CUL1: variants seen among roughly 807,000 people sequenced by gnomAD.
CUL1 encodes the protein cullin-1.
A neutral mutation model predicts 118.0 loss-of-function variants in CUL1; 24 were observed. The ratio of observed to expected loss-of-function variants is 0.20; its 90% CI spans 0.15 to 0.29. CUL1 has a LOEUF of 0.29. Ranked by LOEUF, CUL1 falls within the 10% of genes least tolerant of loss-of-function variation. The pLI, the probability that CUL1 is intolerant of heterozygous loss-of-function variation, is 1.00. For synonymous variants in CUL1, 332 were observed against 340.4 expected, an observed-to-expected ratio of 0.98 and a Z score of 0.27; for missense variants, 361 against 933.8, an observed-to-expected ratio of 0.39 and a Z score of 7.99.
intron 2 of CUL1, among the ~76,000 whole-genome samples, chr7:148,740,253 C>T (rs1056376421): frequency 5.3e-5 from 8 of 152,194 alleles, no homozygotes; most frequent in Admixed American, 2.6e-4. Context: ...CAGGATTTCA[C>T]CATGTTGGCC....
chr7:148,754,113 A>C lies in CUL1; in HGVS notation c.278A>C (p.Lys93Thr). The change falls in exon 3 of 22, where the codon AAG becomes ACG. Residue 93 changes from lysine (K) to threonine (T), a missense_variant. By Grantham distance (78) the Lys-to-Thr change is moderately conservative. Transcript: ENST00000325222. ...FVGLELYKRL[K>T]EFLKNYLTNL... The stretch of plus-strand genomic sequence containing the variant: ...GGCCTGGAATTATATAAACGACTTA[A>C]GGAATTTTTGAAGAATTACTTGACA... 6.2e-7 allele frequency: 1 copy of C among 1,611,852 alleles called. No individual in the cohort carries two copies. Among genetic ancestry groups the C allele is most frequent in the Non-Finnish European group, 8.5e-7 (1 of 1,179,218 alleles).
chr7:148,750,251 T>G (rs1256902151), intron 2 of CUL1, among the ~76,000 whole-genome samples: 1 of 152,052 alleles, frequency 6.6e-6, no homozygotes, highest in Non-Finnish European at 1.5e-5. Flanking sequence ...GATACTCAAT[T>G]TAGTCAAAAC....
intron 2 of CUL1, among the ~76,000 whole-genome samples, chr7:148,751,200 C>T (rs906107170): frequency 1.3e-5 from 2 of 151,856 alleles, no homozygotes; most frequent in Non-Finnish European, 2.9e-5. Flanking sequence ...TGCTTGAGCC[C>T]AAGAATTTTG....
At chr7:148,794,663 C>T (rs1335756612) in intron 17 of CUL1, among the ~76,000 whole-genome samples, 1 of 152,142 alleles carries the variant, frequency 6.6e-6, no homozygotes, top group Non-Finnish European at 1.5e-5. Context: ...GGAGTATTGC[C>T]ATCTCAGCAG....
intron 9 of CUL1, among the ~76,000 whole-genome samples, chr7:148,777,895 G>A (rs1211006564): frequency 4.6e-5 from 7 of 151,012 alleles, no homozygotes; most frequent in African/African-American, 1.2e-4. Context: ...GTGAAATCCC[G>A]TCTCTACTAA....
chr7:148,732,217 T>C (rs1453812353), intron 2 of CUL1, among the ~76,000 whole-genome samples: 1 of 152,198 alleles, frequency 6.6e-6, no homozygotes, highest in Non-Finnish European at 1.5e-5. Context: ...GTGGGATTTC[T>C]GATGTACAGG....
At chr7:148,769,872 G>C (rs1026651182) in intron 9 of CUL1, among the ~76,000 whole-genome samples, 4 of 151,786 alleles carry the variant, frequency 2.6e-5, no homozygotes, top group Admixed American at 1.3e-4. Flanking sequence ...TCCTTTAAAA[G>C]GAAGAAAGAA....
chr7:148,730,570 C>A (rs952822674), intron 2 of CUL1, among the ~76,000 whole-genome samples: 1 of 152,086 alleles, frequency 6.6e-6, no homozygotes, highest in African/African-American at 2.4e-5. Flanking sequence ...TAGAAGGTTC[C>A]GTTGGGCAAA....
chr7:148,718,198 CTTTG>C (rs1798277922), intron 1 of CUL1, among the ~76,000 whole-genome samples: 1 of 152,168 alleles, frequency 6.6e-6, no homozygotes, highest in African/African-American at 2.4e-5. Context: ...TAAGTCTGTT[CTTTG>C]TTTTTTCTTA....
chr7:148,740,136 TC>T (rs1485514032), intron 2 of CUL1, among the ~76,000 whole-genome samples: 4 of 151,890 alleles, frequency 2.6e-5, no homozygotes, highest in African/African-American at 9.7e-5. Flanking sequence ...TACTGCAATC[TC>T]CACCTCGCAG....
chr7:148,702,534 A>G (rs1797752482), intron 1 of CUL1, among the ~76,000 whole-genome samples: 1 of 152,250 alleles, frequency 6.6e-6, no homozygotes, highest in South Asian at 2.1e-4. Context: ...ATTCATGTTT[A>G]AAAAGCAGGG....
chr7:148,701,250 C>T (rs1797713984), intron 1 of CUL1, among the ~76,000 whole-genome samples: 1 of 152,000 alleles, frequency 6.6e-6, no homozygotes, highest in Admixed American at 6.6e-5. Context: ...GTGCTTAAGC[C>T]GGTTAAGAAT....
intron 9 of CUL1, among the ~76,000 whole-genome samples, chr7:148,781,372 C>T (rs1029664672): frequency 1.3e-5 from 2 of 152,144 alleles, no homozygotes; most frequent in East Asian, 1.9e-4. Context: ...TGAGCCACCG[C>T]GCCCGGCCAA....
intron 2 of CUL1, among the ~76,000 whole-genome samples, chr7:148,740,328 T>C (rs1344295729): frequency 2.0e-5 from 3 of 152,206 alleles, no homozygotes; most frequent in Non-Finnish European, 4.4e-5. Context: ...GAGCTGGGAT[T>C]ACAGGTGTGA....
At chr7:148,795,749 G>A (rs1460430677) in intron 17 of CUL1, among the ~76,000 whole-genome samples, 2 of 140,602 alleles carry the variant, frequency 1.4e-5, no homozygotes, top group African/African-American at 2.7e-5. Flanking sequence ...CAGCCTGGGC[G>A]ACAGAGCAAG....
intron 1 of CUL1, among the ~76,000 whole-genome samples, chr7:148,729,752 CTCT>C (rs1402548017): frequency 1.3e-5 from 2 of 152,286 alleles, no homozygotes; most frequent in East Asian, 3.9e-4. Flanking sequence ...CCCAGGTTTT[CTCT>C]TGAGTGCTGA....
intron 2 of CUL1, among the ~76,000 whole-genome samples, chr7:148,742,020 A>G (rs904412111): frequency 2.6e-5 from 4 of 152,208 alleles, no homozygotes; most frequent in Non-Finnish European, 5.9e-5. Flanking sequence ...GTAAGTTTAG[A>G]AATTGTGATG....
intron 17 of CUL1, among the ~76,000 whole-genome samples, chr7:148,793,804 A>AT (rs1475235505): frequency 6.6e-6 from 1 of 152,144 alleles, no homozygotes; most frequent in African/African-American, 2.4e-5. Context: ...TAATAGCTGA[A>AT]TTTTTTGAGG....
In CUL1 at chr7:148,787,172, C is replaced by G. The variant is rs1800842287; in HGVS notation, c.1479+52C>G. ...CCCAGCTTCTGAGTCATTATTAAAA[C>G]AGCTCTATGGCCGAGCGCGGTGGCT... On this transcript the variant is annotated intron_variant, in intron 13 of 21. Coordinates refer to ENST00000325222, the MANE Select transcript of CUL1 (RefSeq NM_003592.3). The surrounding 1 kb of genome is among the most constrained non-coding windows in gnomAD (Gnocchi z 5.5). The G allele has an allele frequency of 6.3e-7, 1 of 1,598,688 alleles. No homozygotes were observed. The highest frequency in any genetic ancestry group is 1.3e-5 in the African/African-American group (1 of 74,394).
Sources: gnomAD v4.1 joint callset for allele counts (sites outside exome capture counted in the v4.1 genomes callset) on GRCh38, gnomAD v4.1.1 for gene constraint, Gnocchi (gnomAD v3.1) non-coding constraint, MANE v1.5 for transcripts, NCBI Gene and HGNC (gene_info 2026-07-23, HGNC 2026-07-21) for gene names.